RNF152: variants seen among roughly 807,000 people sequenced by gnomAD.
RNF152 encodes the protein ring finger protein 152, also known as E3 ubiquitin-protein ligase RNF152.
Under a neutral mutation model 12.7 loss-of-function variants are expected in RNF152, and 11 were observed. The ratio of observed to expected loss-of-function variants is 0.86; its 90% CI spans 0.54 to 1.43. The LOEUF (loss-of-function observed/expected upper bound fraction) is 1.43, where lower values mean the gene tolerates loss of function less well. RNF152 is among the 40% of genes most tolerant of loss of function. RNF152 has a pLI of 0.00. For synonymous variants in RNF152, 113 were observed against 120.3 expected (o/e 0.94, Z 0.40); for missense variants, 255 against 274.8 (o/e 0.93, Z 0.51).
intron 1 of RNF152, among the ~76,000 whole-genome samples, chr18:61,868,589 G>A (rs949417500): frequency 2.6e-5 from 4 of 152,106 alleles, no homozygotes; most frequent in Non-Finnish European, 4.4e-5. Context: ...TGTAATCCCA[G>A]CTACTCAGGA....
At chr18:61,856,103 A>T (rs969470337) in intron 1 of RNF152, among the ~76,000 whole-genome samples, 1 of 152,150 alleles carries the variant, frequency 6.6e-6, no homozygotes, top group Admixed American at 6.6e-5. Flanking sequence ...GGATGAGATG[A>T]CCTTCCAAGT....
At chr18:61,825,391 GA>G (rs1037115615) in intron 1 of RNF152, among the ~76,000 whole-genome samples, 1 of 152,194 alleles carries the variant, frequency 6.6e-6, no homozygotes, top group African/African-American at 2.4e-5. Flanking sequence ...GTCAGAGCCA[GA>G]AAGGACATTT....
At chr18:61,843,318 T>C (rs1481407441) in intron 1 of RNF152, among the ~76,000 whole-genome samples, 1 of 152,256 alleles carries the variant, frequency 6.6e-6, no homozygotes, top group Non-Finnish European at 1.5e-5. Flanking sequence ...CTAAATTAGA[T>C]ATTAACATCC....
intron 1 of RNF152, among the ~76,000 whole-genome samples, chr18:61,856,397 A>C (rs547652904): frequency 2.6e-5 from 4 of 152,164 alleles, no homozygotes; most frequent in Admixed American, 1.3e-4. Flanking sequence ...CACAGCGCCT[A>C]CTTCTTTCAT....
intron 1 of RNF152, among the ~76,000 whole-genome samples, chr18:61,840,708 A>G (rs1910414056): frequency 6.6e-6 from 1 of 152,144 alleles, no homozygotes; most frequent in Admixed American, 6.5e-5. Context: ...TATTTGTTCT[A>G]GAGAATTCTC....
intron 1 of RNF152, among the ~76,000 whole-genome samples, chr18:61,884,897 T>G (rs1415147669): frequency 6.6e-6 from 1 of 152,208 alleles, no homozygotes; most frequent in Non-Finnish European, 1.5e-5. Context: ...GTTTGCCTAA[T>G]AAGTGGTTTA....
intron 1 of RNF152, among the ~76,000 whole-genome samples, chr18:61,881,272 G>A (rs1912453270): frequency 6.6e-6 from 1 of 152,098 alleles, no homozygotes; most frequent in Non-Finnish European, 1.5e-5. Flanking sequence ...AATGTATTTA[G>A]CTGTTAAGTA....
chr18:61,877,810 C>G (rs1208293644), intron 1 of RNF152, among the ~76,000 whole-genome samples: 3 of 152,184 alleles, frequency 2.0e-5, no homozygotes, highest in Admixed American at 6.5e-5. Context: ...AATACTGGCA[C>G]GGCTGCTTCA....
At chr18:61,874,920 G>GA (rs1479934363) in intron 1 of RNF152, 15 of 150,786 alleles carry the variant, frequency 9.9e-5, no homozygotes, top group Non-Finnish European at 1.8e-4. Context: ...CTGACCTGGT[G>GA]AAAAAAAAAT....
chr18:61,818,989 C>G (rs9966870), intron 1 of RNF152, among the ~76,000 whole-genome samples: 65,765 of 151,922 alleles, frequency 0.43, 15,108 homozygotes, highest in Non-Finnish European at 0.53. Context: ...TCTGGATTAT[C>G]GAATTAGACA....
Position 61,809,737 on chromosome 18 carries a change from G to A in RNF152, c.*6115C>T, listed in dbSNP as rs1214678018. ...ATTGTCCCTAAAAATATCATAGTATGAATAATATAAAAAACCTTAGATTAG... is the reference window on the plus strand; with the variant it reads ...ATTGTCCCTAAAAATATCATAGTATAAATAATATAAAAAACCTTAGATTAG... On this transcript the variant is annotated 3_prime_UTR_variant, in exon 2 of 2. Transcript: ENST00000312828. 1.3e-5 allele frequency: 2 copies of A among 149,948 alleles called. No homozygotes were observed. The highest frequency in any genetic ancestry group is 2.5e-5 in the African/African-American group (1 of 40,762). The allele number at this position is 149,948 out of a possible 1,614,324, so 9.3% of individuals were successfully genotyped here.
At chr18:61,854,553 G>A (rs950734222) in intron 1 of RNF152, among the ~76,000 whole-genome samples, 5 of 152,160 alleles carry the variant, frequency 3.3e-5, no homozygotes, top group Admixed American at 1.3e-4. Context: ...TCAACTGAGC[G>A]AATTAAAGAG....
At chr18:61,852,407 A>T (rs1911023550) in intron 1 of RNF152, among the ~76,000 whole-genome samples, 1 of 152,190 alleles carries the variant, frequency 6.6e-6, no homozygotes, top group African/African-American at 2.4e-5. Flanking sequence ...GAACATACTC[A>T]AGAGTGTTGG....
intron 1 of RNF152, among the ~76,000 whole-genome samples, chr18:61,865,033 A>G (rs990732933): frequency 1.3e-5 from 2 of 152,152 alleles, no homozygotes; most frequent in African/African-American, 4.8e-5. Context: ...AAAAAAAAGG[A>G]GTTTATGATG....
Position 61,841,799 on chromosome 18 carries a change from C to A in RNF152, c.-135-25201G>T, listed in dbSNP as rs532656263. Among the ~76,000 whole-genome samples the A allele has an allele frequency of 2.0e-5, 3 of 152,342 alleles. No individual in the cohort carries two copies. In the East Asian group the frequency reaches 5.8e-4, roughly 29 times the overall value. On this transcript the variant is annotated intron_variant, in intron 1 of 1. Transcript: ENST00000312828. ...TCCAACACGGCAGTAAATCACTAAT[C>A]CTGCTTTCAGTGGCAAGGCTGTAGA...
At chr18:61,879,076 G>A (rs368368875) in intron 1 of RNF152, among the ~76,000 whole-genome samples, 11 of 152,274 alleles carry the variant, frequency 7.2e-5, no homozygotes, top group Admixed American at 1.3e-4. Context: ...ACAAAGTATC[G>A]AAGAAAGTAC....
chr18:61,868,665 G>A (rs533351550), intron 1 of RNF152, among the ~76,000 whole-genome samples: 1 of 152,148 alleles, frequency 6.6e-6, no homozygotes, highest in East Asian at 1.9e-4. Context: ...ATCACCCATT[G>A]CACTCCTGCC....
chr18:61,826,370 C>T (rs1269234363), intron 1 of RNF152, among the ~76,000 whole-genome samples: 1 of 152,186 alleles, frequency 6.6e-6, no homozygotes, highest in Non-Finnish European at 1.5e-5. Context: ...AGACCACTCA[C>T]ACATGCAAAC....
chr18:61,834,026 T>C (rs936815770), intron 1 of RNF152, among the ~76,000 whole-genome samples: 12 of 152,190 alleles, frequency 7.9e-5, no homozygotes, highest in African/African-American at 2.4e-4. Flanking sequence ...CAATCAACCA[T>C]CCAATGCTTT....
Sources: allele counts gnomAD v4.1 joint callset (sites outside exome capture counted in the v4.1 genomes callset), GRCh38; gene constraint gnomAD v4.1.1; transcripts MANE v1.5; gene names NCBI Gene and HGNC (gene_info 2026-07-23, HGNC 2026-07-21).